RNGTT: variants seen among roughly 807,000 people sequenced by gnomAD.
RNGTT encodes mRNA-capping enzyme.
RNGTT carries 33 observed loss-of-function variants against 79.3 expected under a neutral mutation model. The ratio of observed to expected loss-of-function variants is 0.42; its 90% CI spans 0.32 to 0.56. The LOEUF (loss-of-function observed/expected upper bound fraction) is 0.56, where lower values mean the gene tolerates loss of function less well. Ranked by LOEUF, RNGTT falls within the 20% of genes least tolerant of loss-of-function variation. The pLI is 0.17. For synonymous variants in RNGTT, 222 were observed against 235.9 expected (o/e 0.94, Z 0.54); for missense variants, 497 against 739.1 (o/e 0.67, Z 3.80).
At chr6:88,644,060 G>T (rs1203445815) in intron 14 of RNGTT, among the ~76,000 whole-genome samples, 1 of 152,114 alleles carries the variant, frequency 6.6e-6, no homozygotes, top group African/African-American at 2.4e-5. Context: ...AATGAATCCA[G>T]GAGCTGGTTT....
chr6:88,685,578 G>C (rs1775246133), intron 13 of RNGTT, among the ~76,000 whole-genome samples: 1 of 151,424 alleles, frequency 6.6e-6, no homozygotes, highest in Non-Finnish European at 1.5e-5. Flanking sequence ...AGAGGGAAGG[G>C]AAGGGGAAAG....
chr6:88,789,041 T>C (rs545105626), intron 12 of RNGTT, among the ~76,000 whole-genome samples: 5 of 152,336 alleles, frequency 3.3e-5, no homozygotes, highest in African/African-American at 9.6e-5. Context: ...TAAGCTGGTT[T>C]TTGGGAGTTT....
intron 5 of RNGTT, among the ~76,000 whole-genome samples, chr6:88,905,684 A>C (rs1271453149): frequency 1.3e-5 from 2 of 152,200 alleles, no homozygotes; most frequent in Admixed American, 1.3e-4. Context: ...ATGCTCAATA[A>C]AGACATGTTG....
intron 4 of RNGTT, among the ~76,000 whole-genome samples, chr6:88,917,266 T>C (rs905105630): frequency 7.9e-5 from 12 of 152,128 alleles, no homozygotes; most frequent in Admixed American, 3.3e-4. Flanking sequence ...CCTGGTATAA[T>C]AAAATGACCA....
chr6:88,792,888 G>A (rs9344875), intron 12 of RNGTT, among the ~76,000 whole-genome samples: 19,288 of 152,130 alleles, frequency 0.13, 1,409 homozygotes, highest in Middle Eastern at 0.23. Context: ...CCTGCTACCC[G>A]AATGGATTTA....
At chr6:88,930,091 T>C (rs1784462122) in intron 2 of RNGTT, among the ~76,000 whole-genome samples, 2 of 119,244 alleles carry the variant, frequency 1.7e-5, no homozygotes, top group Admixed American at 8.0e-5. Context: ...CATATATACA[T>C]ATACGTATAT....
chr6:88,950,838 A>G (rs964223702), intron 1 of RNGTT, among the ~76,000 whole-genome samples: 1 of 150,924 alleles, frequency 6.6e-6, no homozygotes, highest in Non-Finnish European at 1.5e-5. Context: ...TCTCAAAAAA[A>G]TATAAATAAA....
intron 14 of RNGTT, among the ~76,000 whole-genome samples, chr6:88,629,668 T>A (rs1772772128): frequency 6.6e-6 from 1 of 152,184 alleles, no homozygotes; most frequent in Admixed American, 6.6e-5. Flanking sequence ...ACCACTCAAC[T>A]GCTCTTAGCA....
chr6:88,894,214 A>T (rs1232232056), intron 6 of RNGTT, among the ~76,000 whole-genome samples: 1 of 152,228 alleles, frequency 6.6e-6, no homozygotes, highest in East Asian at 1.9e-4. Flanking sequence ...TTGCATTTTT[A>T]ACCAGTGTTA....
chr6:88,957,840 A>G (rs1732599563), intron 1 of RNGTT, among the ~76,000 whole-genome samples: 1 of 152,228 alleles, frequency 6.6e-6, no homozygotes, highest in Non-Finnish European at 1.5e-5. Flanking sequence ...AATTCCCATC[A>G]AAGTACCATC....
chr6:88,688,343 CAGAT>C (rs1322574144), intron 13 of RNGTT, among the ~76,000 whole-genome samples: 1 of 152,146 alleles, frequency 6.6e-6, no homozygotes, highest in Non-Finnish European at 1.5e-5. Context: ...AATATACTGA[CAGAT>C]GGAAGAAGAA....
intron 11 of RNGTT, among the ~76,000 whole-genome samples, chr6:88,843,705 T>A (rs1273014705): frequency 2.0e-5 from 3 of 151,080 alleles, no homozygotes; most frequent in African/African-American, 7.3e-5. Context: ...ACTATAGACA[T>A]GCGCCGCCAC....
chr6:88,919,739 G>A (rs12199841), intron 4 of RNGTT, among the ~76,000 whole-genome samples: 7,850 of 95,332 alleles, frequency 0.082, 358 homozygotes, highest in African/African-American at 0.12. Flanking sequence ...TTTTTGAGAC[G>A]GAGTTTTGTT....
chr6:88,692,296 C>T (rs930443600), intron 13 of RNGTT, among the ~76,000 whole-genome samples: 2 of 152,032 alleles, frequency 1.3e-5, no homozygotes, highest in African/African-American at 4.8e-5. Flanking sequence ...CAGCCCCTGC[C>T]CTAAATAAAT....
At chr6:88,923,267 T>C (rs1343035832) in intron 4 of RNGTT, among the ~76,000 whole-genome samples, 1 of 152,200 alleles carries the variant, frequency 6.6e-6, no homozygotes. Context: ...TTCCAGGTTG[T>C]TTTTTTGTTA....
intron 4 of RNGTT, among the ~76,000 whole-genome samples, chr6:88,915,384 G>C (rs569531576): frequency 6.6e-6 from 1 of 152,234 alleles, no homozygotes; most frequent in South Asian, 2.1e-4. Context: ...CATCAATGGT[G>C]GACTAGGTAA....
intron 6 of RNGTT, among the ~76,000 whole-genome samples, chr6:88,898,959 C>G (rs1447751439): frequency 6.6e-6 from 1 of 150,530 alleles, no homozygotes; most frequent in Non-Finnish European, 1.5e-5. Context: ...ACAACAATAC[C>G]AATGGTAGTA....
chr6:88,901,286 C>T (rs1245362419), intron 6 of RNGTT, among the ~76,000 whole-genome samples: 1 of 151,844 alleles, frequency 6.6e-6, no homozygotes, highest in Non-Finnish European at 1.5e-5. Context: ...AAAACTCCAA[C>T]TATATATTTA....
At chr6:88,740,415 G>C (rs1459738826) in intron 13 of RNGTT, among the ~76,000 whole-genome samples, 2 of 151,916 alleles carry the variant, frequency 1.3e-5, no homozygotes, top group Non-Finnish European at 2.9e-5. Context: ...CTACTCGAGA[G>C]GCTGAGGTAA....
Sources: gnomAD v4.1 joint callset for allele counts (sites outside exome capture counted in the v4.1 genomes callset) on GRCh38, gnomAD v4.1.1 for gene constraint, MANE v1.5 for transcripts, NCBI Gene and HGNC (gene_info 2026-07-23, HGNC 2026-07-21) for gene names.